ORC5: variants seen among roughly 807,000 people sequenced by gnomAD.
The protein encoded by ORC5 is origin recognition complex subunit 5, also known as protein phosphatase 1, regulatory subunit 117.
A neutral mutation model predicts 58.8 loss-of-function variants in ORC5; 39 were observed. That is an observed-to-expected ratio of 0.66 (90% CI 0.51 to 0.87). ORC5 has a LOEUF of 0.87. Ranked by LOEUF, ORC5 falls within the 40% of genes least tolerant of loss-of-function variation. The pLI, the probability that ORC5 is intolerant of heterozygous loss-of-function variation, is 0.00. For missense variants in ORC5, 493 were observed against 506.3 expected, an observed-to-expected ratio of 0.97 and a Z score of 0.25; for synonymous variants, 218 against 177.6, an observed-to-expected ratio of 1.23 and a Z score of -1.81.
At position 104,208,012 on chromosome 7, in the gene ORC5, C is replaced by A. The variant is rs1199956190; in HGVS notation, c.-108G>T. ...CCCACGCTCCCGCCGGAAACCGGAC[C>A]CGCAGCGTCGTGGGAGGAGCCTGCG... On this transcript the variant is annotated 5_prime_UTR_variant, in exon 1 of 14. Coordinates refer to ENST00000297431, the MANE Select transcript of ORC5 (RefSeq NM_002553.4). 9 of 1,076,484 alleles carry A rather than the reference C, an allele frequency of 8.4e-6. No individual in the cohort carries two copies. The highest frequency in any genetic ancestry group is 1.1e-5 in the Non-Finnish European group (8 of 716,650). The allele number at this position is 1,076,484 out of a possible 1,614,324, so 66.7% of individuals were successfully genotyped here.
At chr7:104,199,289 C>T (rs73191421) in intron 3 of ORC5, among the ~76,000 whole-genome samples, 20,677 of 152,214 alleles carry the variant, frequency 0.14, 1,743 homozygotes, top group South Asian at 0.22. Flanking sequence ...AGATACTCAA[C>T]GCCAGCCTGT....
At chr7:104,144,857 G>C (rs1798730600) in intron 12 of ORC5, among the ~76,000 whole-genome samples, 1 of 152,192 alleles carries the variant, frequency 6.6e-6, no homozygotes, top group African/African-American at 2.4e-5. Context: ...CTCCAGGCTA[G>C]TATTAATACC....
In ORC5 at chr7:104,175,873, ATT is replaced by A. The variant is rs540381202; in HGVS notation, c.825-7350_825-7349del. ...GTTACTAATTCTAGGATACTTGGAG[ATT>A]TTTTTCTTATATAATTCAGCTAGTC... On this transcript the variant is annotated intron_variant, in intron 8 of 13. Coordinates refer to ENST00000297431, the MANE Select transcript of ORC5 (RefSeq NM_002553.4). 2.4e-4 allele frequency among the ~76,000 whole-genome samples: 36 copies of A among 152,314 alleles called. No homozygotes were observed. In the East Asian group the frequency reaches 6.6e-3, roughly 28 times the overall value.
chr7:104,168,611 A>AT, intron 8 of ORC5, 86 bp from the exon 9 acceptor site: 1 of 666,966 alleles, frequency 1.5e-6, no homozygotes, highest in Non-Finnish European at 2.3e-6. Context: ...GAAAAACTAA[A>AT]TTTTTTTATT....
rs1285776632 is a variant in ORC5, at chr7:104,133,501, T to C, written c.1262+3280A>G. 6.6e-6 allele frequency among the ~76,000 whole-genome samples: 1 copy of C among 152,146 alleles called. No homozygotes were observed. Among genetic ancestry groups the C allele is most frequent in the Non-Finnish European group, 1.5e-5 (1 of 68,036 alleles). On this transcript the variant is annotated intron_variant, in intron 13 of 13. Transcript: ENST00000297431. This position sits in a 1 kb window ranked among gnomAD's most constrained non-coding sequence, Gnocchi z 4.7. ...GGAGGAAAGCCAGATATTTCACTTTTTGTTGGTGGGTTGAAGCAGAGGTTA... is the reference window on the plus strand; with the variant it reads ...GGAGGAAAGCCAGATATTTCACTTTCTGTTGGTGGGTTGAAGCAGAGGTTA...
intron 12 of ORC5, among the ~76,000 whole-genome samples, chr7:104,140,943 G>T (rs1798664121): frequency 6.6e-6 from 1 of 152,128 alleles, no homozygotes; most frequent in African/African-American, 2.4e-5. Flanking sequence ...GATTCAAATT[G>T]TTAATTTAAC....
intron 13 of ORC5, among the ~76,000 whole-genome samples, chr7:104,131,171 C>T (rs2115729478): frequency 6.6e-6 from 1 of 152,272 alleles, no homozygotes; most frequent in East Asian, 1.9e-4. Flanking sequence ...TTCAAATGTT[C>T]CAGATTTCTC....
chr7:104,168,676 G>T, intron 8 of ORC5, 151 bp from the exon 9 acceptor site: 1 of 438,872 alleles, frequency 2.3e-6, no homozygotes, highest in East Asian at 3.2e-5. Flanking sequence ...GTTTGTACCT[G>T]TACAAAATAA....
chr7:104,200,689 AT>A (rs1799916983), intron 3 of ORC5, 68 bp downstream of exon 3: 1 of 981,286 alleles, frequency 1.0e-6, no homozygotes, highest in Admixed American at 2.2e-5. Context: ...AAACAAATAT[AT>A]GAAAATTGAT....
intron 12 of ORC5, among the ~76,000 whole-genome samples, chr7:104,157,207 T>C (rs1010544723): frequency 2.0e-5 from 3 of 152,026 alleles, no homozygotes; most frequent in Middle Eastern, 6.8e-3. Flanking sequence ...TCTTGCCACA[T>C]TTTGTTCTGG....
At chr7:104,196,790 T>G (rs1353690480) in intron 4 of ORC5, among the ~76,000 whole-genome samples, 2 of 152,188 alleles carry the variant, frequency 1.3e-5, no homozygotes. Context: ...AATAAATTTA[T>G]AAATACGAAC....
At chr7:104,196,399 C>T (rs1441074420) in intron 4 of ORC5, among the ~76,000 whole-genome samples, 1 of 152,148 alleles carries the variant, frequency 6.6e-6, no homozygotes, top group Non-Finnish European at 1.5e-5. Flanking sequence ...GAAGATAGAT[C>T]TTGAGTCTCA....
chr7:104,162,121 G>A (rs538574383), intron 11 of ORC5, among the ~76,000 whole-genome samples: 54 of 152,212 alleles, frequency 3.5e-4, no homozygotes, highest in African/African-American at 1.2e-3. Flanking sequence ...CATCAGAAAC[G>A]AGACAATGCT....
intron 2 of ORC5, 111 bp from the exon 3 acceptor site, chr7:104,201,069 C>T: frequency 2.5e-6 from 2 of 797,948 alleles, no homozygotes; most frequent in Non-Finnish European, 4.0e-6. Flanking sequence ...CCACCAAACC[C>T]ACCCCATGCC....
At chr7:104,152,831 T>C (rs1358449019) in intron 12 of ORC5, among the ~76,000 whole-genome samples, 1 of 152,222 alleles carries the variant, frequency 6.6e-6, no homozygotes, top group Admixed American at 6.5e-5. Context: ...TACCAATGTA[T>C]TATTTTATAC....
chr7:104,180,605 G>T (rs995037600), intron 8 of ORC5, among the ~76,000 whole-genome samples: 1 of 145,250 alleles, frequency 6.9e-6, no homozygotes, highest in African/African-American at 2.5e-5. Flanking sequence ...AACTAACTTG[G>T]ATTTTCTAGC....
intron 12 of ORC5, among the ~76,000 whole-genome samples, chr7:104,139,306 T>C (rs1798636884): frequency 6.6e-6 from 1 of 152,186 alleles, no homozygotes; most frequent in Non-Finnish European, 1.5e-5. Context: ...TATCTCATGT[T>C]ATTCCTCATT....
chr7:104,168,577 T>A, intron 8 of ORC5, 52 bp from the exon 9 acceptor site: 1 of 1,223,870 alleles, frequency 8.2e-7, no homozygotes, highest in Non-Finnish European at 1.1e-6. Context: ...AAAATCAATA[T>A]GGTGTACTTA....
chr7:104,151,206 CA>C (rs554531648), intron 12 of ORC5, among the ~76,000 whole-genome samples: 1 of 151,360 alleles, frequency 6.6e-6, no homozygotes, highest in African/African-American at 2.4e-5. Context: ...TGTAACTCAT[CA>C]AAAAAAAGTA....
Sources: gnomAD v4.1 joint callset for allele counts (sites outside exome capture counted in the v4.1 genomes callset) on GRCh38, gnomAD v4.1.1 for gene constraint, Gnocchi (gnomAD v3.1) non-coding constraint, MANE v1.5 for transcripts, NCBI Gene and HGNC (gene_info 2026-07-23, HGNC 2026-07-21) for gene names.